Variants in NTNG1 observed in about 807,000 individuals in gnomAD.
The protein encoded by NTNG1 is netrin-G1.
Under a neutral mutation model 54.0 loss-of-function variants are expected in NTNG1, and 16 were observed. The ratio of observed to expected loss-of-function variants is 0.30; its 90% CI spans 0.20 to 0.45. NTNG1 has a LOEUF of 0.45. Ranked by LOEUF, NTNG1 falls within the 20% of genes least tolerant of loss-of-function variation. NTNG1 has a pLI of 1.00. For missense variants in NTNG1, 530 were observed against 678.7 expected, an observed-to-expected ratio of 0.78 and a Z score of 2.43; for synonymous variants, 255 against 263.1, an observed-to-expected ratio of 0.97 and a Z score of 0.30.
chr1:107,474,629 A>G (rs902770159), intron 7 of NTNG1, among the ~76,000 whole-genome samples: 4 of 152,214 alleles, frequency 2.6e-5, no homozygotes, highest in African/African-American at 7.2e-5. Flanking sequence ...TCAACTCACA[A>G]TTCTGGAGGC....
intron 2 of NTNG1, among the ~76,000 whole-genome samples, chr1:107,184,115 A>G (rs563789061): frequency 6.6e-6 from 1 of 152,220 alleles, no homozygotes; most frequent in South Asian, 2.1e-4. Context: ...CATTCCCAAA[A>G]TCTCACCTCA....
chr1:107,348,864 A>G (rs922604393), intron 3 of NTNG1, among the ~76,000 whole-genome samples: 2 of 152,120 alleles, frequency 1.3e-5, no homozygotes, highest in African/African-American at 4.8e-5. Context: ...CTGTGCTTTT[A>G]CTTATGCCTC....
In NTNG1 at chr1:107,376,125, A is replaced by G. The variant is rs1395675467; in HGVS notation, c.888-19029A>G. Among the ~76,000 whole-genome samples the G allele has an allele frequency of 2.0e-5, 3 of 152,238 alleles. No homozygotes were observed. In the East Asian group the frequency reaches 5.8e-4, roughly 29 times the overall value. ...TATTTAATCATCAAAACATATAATA[A>G]TATTGCTATTGTAGGCTGGGCGCGG... On this transcript the variant is annotated intron_variant, in intron 3 of 7. Transcript: ENST00000370068.
At chr1:107,230,188 T>A (rs1660976769) in intron 2 of NTNG1, among the ~76,000 whole-genome samples, 1 of 152,212 alleles carries the variant, frequency 6.6e-6, no homozygotes, top group South Asian at 2.1e-4. Flanking sequence ...AGTTTTATAA[T>A]CACTTATAAT....
intron 7 of NTNG1, among the ~76,000 whole-genome samples, chr1:107,468,733 T>C (rs1677764180): frequency 6.6e-6 from 1 of 152,236 alleles, no homozygotes; most frequent in African/African-American, 2.4e-5. Flanking sequence ...TTCAGGGCCA[T>C]GTTGTTTTCA....
At chr1:107,210,540 G>C (rs925337319) in intron 2 of NTNG1, among the ~76,000 whole-genome samples, 5 of 152,178 alleles carry the variant, frequency 3.3e-5, no homozygotes, top group Admixed American at 3.3e-4. Flanking sequence ...ATTGTGCCTG[G>C]CAGCTCAGGC....
intron 3 of NTNG1, among the ~76,000 whole-genome samples, chr1:107,333,475 A>G (rs528231791): frequency 6.6e-6 from 1 of 152,182 alleles, no homozygotes; most frequent in Non-Finnish European, 1.5e-5. Context: ...GAGGTGTCCT[A>G]CAGTAAAGAA....
chr1:107,324,411 T>C lies in NTNG1; in HGVS notation c.376T>C (p.Tyr126His). 3 of 1,613,718 alleles carry C rather than the reference T, an allele frequency of 1.9e-6. No individual in the cohort carries two copies. Among genetic ancestry groups the C allele is most frequent in the Non-Finnish European group, 2.5e-6 (3 of 1,179,802 alleles). The change falls in exon 3 of 8, where the codon TAT becomes CAT. Residue 126 changes from tyrosine (Y) to histidine (H), a missense_variant. By Grantham distance (83) the Tyr-to-His change is moderately conservative (BLOSUM62 2). Coordinates refer to ENST00000370068, the MANE Select transcript of NTNG1 (RefSeq NM_001113226.3). ...TTGGCAGTCTGCCACTTGGAAGGAG[T>C]ATCCCAAGCCTCTCCAGGTTAACAT... is the stretch of plus-strand genomic sequence containing the variant. ...TFWQSATWKE[Y>H]PKPLQVNITL...
rs1678732601 is a variant in NTNG1, at chr1:107,481,831, A to T, written c.*991A>T. The stretch of plus-strand genomic sequence containing the variant: ...GTTGCTTTAACACTGGAAGATTTAA[A>T]GAATAAAAACTCCTGCATAAACGAT... On this transcript the variant is annotated 3_prime_UTR_variant, in exon 8 of 8. Transcript: ENST00000370068. 1 of 152,634 alleles carries T rather than the reference A, an allele frequency of 6.6e-6. No homozygotes were observed. Among genetic ancestry groups the T allele is most frequent in the Admixed American group, 6.5e-5 (1 of 15,290 alleles). 9.5% of individuals were successfully genotyped at this position (152,634 alleles called of 1,614,324 possible). A position where few individuals can be genotyped will look rare whatever the true frequency, so the allele number is the denominator to read the frequency against.
At chr1:107,342,499 C>A (rs1557915642) in intron 3 of NTNG1, among the ~76,000 whole-genome samples, 1 of 152,102 alleles carries the variant, frequency 6.6e-6, no homozygotes, top group South Asian at 2.1e-4. Flanking sequence ...TGCTCAGTGG[C>A]ATGTGGTACA....
At chr1:107,261,623 C>G (rs1056529527) in intron 2 of NTNG1, among the ~76,000 whole-genome samples, 1 of 152,164 alleles carries the variant, frequency 6.6e-6, no homozygotes, top group Non-Finnish European at 1.5e-5. Context: ...GCGGGCAGAT[C>G]ACGAGGCCAG....
chr1:107,477,254 C>A (rs1678391521), intron 7 of NTNG1, among the ~76,000 whole-genome samples: 1 of 152,180 alleles, frequency 6.6e-6, no homozygotes, highest in African/African-American at 2.4e-5. Context: ...TGCCACCAGG[C>A]TGGTGTAGGA....
chr1:107,274,706 GAGACAAGTT>G (rs1435556936), intron 2 of NTNG1, among the ~76,000 whole-genome samples: 1 of 152,228 alleles, frequency 6.6e-6, no homozygotes, highest in East Asian at 1.9e-4. Flanking sequence ...GAAAGCACTG[GAGACAAGTT>G]AGCTCCCACT....
At chr1:107,182,065 C>T (rs989147923) in intron 2 of NTNG1, among the ~76,000 whole-genome samples, 2 of 152,096 alleles carry the variant, frequency 1.3e-5, no homozygotes, top group African/African-American at 4.8e-5. Context: ...AAACTCTAAA[C>T]ACTTCTAAAC....
intron 2 of NTNG1, among the ~76,000 whole-genome samples, chr1:107,243,957 A>G (rs371533045): frequency 6.6e-6 from 1 of 152,152 alleles, no homozygotes. Flanking sequence ...ATGTTAGGAG[A>G]TTTTGTTTTA....
intron 2 of NTNG1, among the ~76,000 whole-genome samples, chr1:107,226,674 G>C (rs1456653464): frequency 6.6e-6 from 1 of 152,066 alleles, no homozygotes; most frequent in Non-Finnish European, 1.5e-5. Context: ...CTCTTTGACT[G>C]TCTATACTTT....
At chr1:107,380,771 CT>C (rs1266036055) in intron 3 of NTNG1, among the ~76,000 whole-genome samples, 15 of 152,202 alleles carry the variant, frequency 9.9e-5, no homozygotes, top group Admixed American at 8.5e-4. Flanking sequence ...TGCCTGTCCC[CT>C]GACCATACCC....
chr1:107,192,266 C>T (rs1282734680), intron 2 of NTNG1, among the ~76,000 whole-genome samples: 1 of 151,904 alleles, frequency 6.6e-6, no homozygotes. Context: ...CCATCTTACA[C>T]TCTACTTGCT....
intron 2 of NTNG1, among the ~76,000 whole-genome samples, chr1:107,251,278 A>G (rs781196638): frequency 1.1e-4 from 16 of 152,210 alleles, no homozygotes; most frequent in Non-Finnish European, 1.9e-4. Context: ...TTCCTTGATG[A>G]GTAAATGTTT....
Sources: gnomAD v4.1 joint callset for allele counts (sites outside exome capture counted in the v4.1 genomes callset) on GRCh38, gnomAD v4.1.1 for gene constraint, MANE v1.5 for transcripts, NCBI Gene and HGNC (gene_info 2026-07-23, HGNC 2026-07-21) for gene names.